The following IL1RAPL1 variants were observed in gnomAD, a reference collection of about 807,000 sequenced individuals.
The protein encoded by IL1RAPL1 is interleukin-1 receptor accessory protein-like 1.
A neutral mutation model predicts 48.4 loss-of-function variants in IL1RAPL1; 3 were observed. The ratio of observed to expected loss-of-function variants is 0.06; its 90% confidence interval spans 0.03 to 0.16. The LOEUF is 0.16. IL1RAPL1 is among the 10% of genes least tolerant of loss of function. IL1RAPL1 has a pLI of 1.00. For missense variants in IL1RAPL1, 349 were observed against 530.6 expected, an observed-to-expected ratio of 0.66 and a Z score of 3.36; for synonymous variants, 185 against 187.7, an observed-to-expected ratio of 0.99 and a Z score of 0.12.
rs5972501 is a variant in IL1RAPL1, at chrX:29,623,175, G to A, written c.704-45255G>A. Among the ~76,000 whole-genome samples, 388 of 107,859 alleles carry A rather than the reference G, an allele frequency of 3.6e-3. 2 individuals are homozygous for A. The highest frequency in any genetic ancestry group is 0.012 in the African/African-American group (367 of 29,624). 93.7% of individuals were successfully genotyped at this position (107,859 alleles called of 115,157 possible). On this transcript the variant is annotated intron_variant, in intron 5 of 10. Transcript: ENST00000378993. ...CGGGCACCTGTAGTCCCAGCTACTC[G>A]GGAGGCTGAGGCAGGAGAATGGCAT...
chrX:29,885,808 G>C (rs988436504), intron 6 of IL1RAPL1, among the ~76,000 whole-genome samples: 4 of 111,405 alleles, frequency 3.6e-5, no homozygotes, highest in Non-Finnish European at 5.6e-5. Context: ...GACAGAGCAA[G>C]ACCCTGTCTC....
intron 3 of IL1RAPL1, among the ~76,000 whole-genome samples, chrX:29,315,702 G>A (rs1271797976): frequency 9.0e-6 from 1 of 111,502 alleles, no homozygotes; most frequent in Non-Finnish European, 1.9e-5. Flanking sequence ...GGTTACAGAA[G>A]GTAATTTTAG....
At chrX:29,837,102 A>G (rs1435471039) in intron 6 of IL1RAPL1, among the ~76,000 whole-genome samples, 1 of 107,001 alleles carries the variant, frequency 9.3e-6, no homozygotes, top group Non-Finnish European at 1.9e-5. Flanking sequence ...TACTAAAAAT[A>G]CAAAAACAAA....
rs1931609790 is a variant in IL1RAPL1, at chrX:29,862,541, C to A, written c.779-54923C>A. Among the ~76,000 whole-genome samples the A allele has an allele frequency of 4.5e-5, 5 of 111,658 alleles. No individual in the cohort carries two copies. In the South Asian group the frequency reaches 1.5e-3, roughly 34 times the overall value. On this transcript the variant is annotated intron_variant, in intron 6 of 10. Coordinates refer to ENST00000378993, the MANE Select transcript of IL1RAPL1 (RefSeq NM_014271.4). ...CACATGAGATTTATAATGCATGAGA[C>A]CCTCAGGCCCATCACTTCTCTTCAG...
chrX:29,559,796 C>T (rs1213853825), intron 5 of IL1RAPL1, among the ~76,000 whole-genome samples: 1 of 110,846 alleles, frequency 9.0e-6, no homozygotes, highest in Non-Finnish European at 1.9e-5. Flanking sequence ...CTTTTATTTC[C>T]ACCTTTCACA....
chrX:29,302,689 T>C (rs1932555591), intron 3 of IL1RAPL1, among the ~76,000 whole-genome samples: 1 of 111,291 alleles, frequency 9.0e-6, no homozygotes, highest in Non-Finnish European at 1.9e-5. Flanking sequence ...TTTAATCAGA[T>C]GGATGACAAA....
intron 6 of IL1RAPL1, among the ~76,000 whole-genome samples, chrX:29,847,877 T>C (rs1361785943): frequency 4.5e-5 from 5 of 112,044 alleles, no homozygotes; most frequent in Non-Finnish European, 7.5e-5. Flanking sequence ...AATATACAAA[T>C]TAAAATGTTT....
chrX:29,285,524 CAAAAAAAAAAAAAAAAA>C (rs778913919), intron 3 of IL1RAPL1, among the ~76,000 whole-genome samples: 2 of 11,583 alleles, frequency 1.7e-4, no homozygotes, highest in African/African-American at 4.6e-4. Flanking sequence ...AACTCCGTCT[CAAAAAAAAAAAAAAAAA>C]AAAAAAAAAA....
intron 2 of IL1RAPL1, among the ~76,000 whole-genome samples, chrX:29,184,485 A>G (rs1454356849): frequency 9.0e-6 from 1 of 111,216 alleles, no homozygotes; most frequent in African/African-American, 3.3e-5. Flanking sequence ...CACTTAAATT[A>G]TGTATTTTTG....
intron 5 of IL1RAPL1, among the ~76,000 whole-genome samples, chrX:29,405,930 T>TC (rs202212187): frequency 0.14 from 15,672 of 110,601 alleles, 2,031 homozygotes; most frequent in African/African-American, 0.41. Flanking sequence ...TCTTGGATGT[T>TC]CTTTTCTGTT....
At chrX:29,145,905 C>T (rs1416754507) in intron 2 of IL1RAPL1, among the ~76,000 whole-genome samples, 2 of 111,942 alleles carry the variant, frequency 1.8e-5, no homozygotes, top group African/African-American at 3.2e-5. Context: ...ACGCTAGCAT[C>T]CTGGTCAGAG....
intron 2 of IL1RAPL1, among the ~76,000 whole-genome samples, chrX:28,947,701 A>G (rs952701044): frequency 8.9e-6 from 1 of 111,976 alleles, no homozygotes; most frequent in African/African-American, 3.2e-5. Context: ...CTTAGAACTT[A>G]AAAAGTATAA....
rs546068655 is a variant in IL1RAPL1, at chrX:29,706,724, C to T, written c.778+38220C>T. Among the ~76,000 whole-genome samples the T allele has an allele frequency of 3.6e-5, 4 of 111,722 alleles. No individual in the cohort carries two copies. In the South Asian group the frequency reaches 1.5e-3, roughly 42 times the overall value. ...AGGACACCCTATTTAACAAATGGTG[C>T]TGGGATAATTGGAAGCCACATGTAG... On this transcript the variant is annotated intron_variant, in intron 6 of 10. Transcript: ENST00000378993.
In IL1RAPL1 at chrX:29,641,001, T is replaced by TA. The variant is rs57102687; in HGVS notation, c.704-27416dup. Among the ~76,000 whole-genome samples the TA allele has an allele frequency of 1.1e-3, 111 of 103,630 alleles. 2 individuals are homozygous for TA. The highest frequency in any genetic ancestry group is 9.1e-4 in the East Asian group (3 of 3,297). 90.0% of individuals were successfully genotyped at this position (103,630 alleles called of 115,157 possible). Reference sequence around the variant, plus strand: ...GTCACAAAGTGAGAACCCCATCTCTTAAAAAAAAAAAAATTAAAAATTAGC... The same window carrying TA: ...GTCACAAAGTGAGAACCCCATCTCTTAAAAAAAAAAAAAATTAAAAATTAGC... On this transcript the variant is annotated intron_variant, in intron 5 of 10. Coordinates refer to ENST00000378993, the MANE Select transcript of IL1RAPL1 (RefSeq NM_014271.4).
At chrX:29,054,596 G>C (rs1927170837) in intron 2 of IL1RAPL1, among the ~76,000 whole-genome samples, 1 of 110,746 alleles carries the variant, frequency 9.0e-6, no homozygotes, top group African/African-American at 3.3e-5. Flanking sequence ...AGGTGTTCTA[G>C]GAAGCAAGAC....
At position 29,742,679 on chromosome X, in the gene IL1RAPL1, C is replaced by T. The variant is rs138569123; in HGVS notation, c.778+74175C>T. 3.6e-5 allele frequency among the ~76,000 whole-genome samples: 4 copies of T among 111,617 alleles called. No individual in the cohort carries two copies. In the East Asian group the frequency reaches 1.1e-3, roughly 31 times the overall value. ...AAAATCTCAAAATCATGAGTTGAAC[C>T]AATGAAACATACGGGTTGGTTCAGC... On this transcript the variant is annotated intron_variant, in intron 6 of 10. Coordinates refer to ENST00000378993, the MANE Select transcript of IL1RAPL1 (RefSeq NM_014271.4).
At chrX:29,906,460 A>AATT (rs1932622877) in intron 6 of IL1RAPL1, among the ~76,000 whole-genome samples, 1 of 29,871 alleles carries the variant, frequency 3.3e-5, no homozygotes, top group Non-Finnish European at 6.1e-5. Flanking sequence ...TAACTTTGTA[A>AATT]ATATATATAT....
chrX:28,907,176 A>G (rs945171713), intron 2 of IL1RAPL1, among the ~76,000 whole-genome samples: 6 of 111,882 alleles, frequency 5.4e-5, no homozygotes, highest in African/African-American at 1.9e-4. Context: ...CTTTCTTTAC[A>G]TGAATTCATA....
chrX:28,976,686 A>G (rs768809903), intron 2 of IL1RAPL1, among the ~76,000 whole-genome samples: 1 of 111,397 alleles, frequency 9.0e-6, no homozygotes, highest in East Asian at 2.8e-4. Context: ...GAGTATAAAC[A>G]GAGGAGAGAA....
Sources: allele counts gnomAD v4.1 joint callset (sites outside exome capture counted in the v4.1 genomes callset), GRCh38; gene constraint gnomAD v4.1.1; transcripts MANE v1.5; gene names NCBI Gene and HGNC (gene_info 2026-07-23, HGNC 2026-07-21).